Variants in KLK2 observed in about 807,000 individuals in gnomAD.
KLK2 encodes kallikrein-2.
Under a neutral mutation model 23.0 loss-of-function variants are expected in KLK2, and 17 were observed. The ratio of observed to expected loss-of-function variants is 0.74; its 90% CI spans 0.51 to 1.11. KLK2 has a LOEUF of 1.11. Among genes scored for constraint, KLK2 ranks in the 50% least tolerant of loss-of-function variants. The pLI, the probability that KLK2 is intolerant of heterozygous loss-of-function variation, is 0.00. For missense variants in KLK2, 330 were observed against 325.9 expected (o/e 1.01, Z -0.10); for synonymous variants, 140 against 124.7 (o/e 1.12, Z -0.82).
chr19:50,875,105 GC>G (rs2123477796), intron 2 of KLK2: 2 of 775,852 alleles, frequency 2.6e-6, no homozygotes, highest in South Asian at 5.3e-5. Context: ...TTGGTATCTG[GC>G]TCTGGTTGTG....
Position 50,879,516 on chromosome 19 carries a change from A to G in KLK2, c.*957A>G. 4.3e-6 allele frequency: 1 copy of G among 231,320 alleles called. No individual in the cohort carries two copies. The highest frequency in any genetic ancestry group is 8.6e-6 in the Non-Finnish European group (1 of 116,858). The allele number at this position is 231,320 out of a possible 1,614,324, so 14.3% of individuals were successfully genotyped here. ...TCTCTCCAAGTGGAGACTTACGGACAGCATATAATTCTCCCTGCAAGGATG... is the reference window on the plus strand; with the variant it reads ...TCTCTCCAAGTGGAGACTTACGGACGGCATATAATTCTCCCTGCAAGGATG... On this transcript the variant is annotated 3_prime_UTR_variant, in exon 5 of 5. Transcript: ENST00000325321.
At chr19:50,878,376 C>T in intron 4 of KLK2, 28 bp from the exon 5 acceptor site, 1 of 1,591,752 alleles carries the variant, frequency 6.3e-7, no homozygotes, top group Non-Finnish European at 8.6e-7. Flanking sequence ...CAATCTTTCT[C>T]ACTGTGTCTC....
At chr19:50,876,277 G>C (rs964801834) in intron 2 of KLK2, 195 bp from the exon 3 acceptor site, 2 of 595,092 alleles carry the variant, frequency 3.4e-6, no homozygotes, top group African/African-American at 1.9e-5. Flanking sequence ...TTCAGTTTCT[G>C]TCTCTGCCTC....
In KLK2 at chr19:50,876,542, A is replaced by G. The variant is rs181308768; in HGVS notation, c.277A>G (p.Ser93Gly). Residue 93 changes from serine (S) to glycine (G), a missense_variant, in exon 3 of 5, where the codon AGC becomes GGC. Transcript: ENST00000325321. Reference protein sequence around the residue: ...PEDTGQRVPVSHSFPHPLYNM... With the variant: ...PEDTGQRVPVGHSFPHPLYNM... ...AGACACAGGCCAGAGGGTCCCTGTC[A>G]GCCACAGCTTCCCACACCCGCTCTA... 2 of 1,614,204 alleles carry G rather than the reference A, an allele frequency of 1.2e-6. No individual in the cohort carries two copies. The highest frequency in any genetic ancestry group is 1.7e-6 in the Non-Finnish European group (2 of 1,180,036).
At position 50,878,431 on chromosome 19, in the gene KLK2, A is replaced by G; in HGVS notation, c.658A>G (p.Asn220Asp). ...TGATTCTGGGGGTCCACTTGTCTGT[A>G]ATGGTGTGCTTCAAGGTATCACATC... is the stretch of plus-strand genomic sequence containing the variant. ...GGDSGGPLVC[N>D]GVLQGITSWG... Residue 220 changes from asparagine to aspartate, a missense_variant, in exon 5 of 5, where the codon AAT (asparagine) becomes GAT (aspartate). Transcript: ENST00000325321. The G allele has an allele frequency of 6.2e-7, 1 of 1,613,760 alleles. No homozygotes were observed. The highest frequency in any genetic ancestry group is 8.5e-7 in the Non-Finnish European group (1 of 1,179,784).
At chr19:50,876,783 C>T (rs2090293545) in intron 3 of KLK2, 25 bp downstream of exon 3, 7 of 1,611,286 alleles carry the variant, frequency 4.3e-6, no homozygotes, top group Non-Finnish European at 4.2e-6. Flanking sequence ...GATGGTGTAG[C>T]TGGGAGCCCA....
Position 50,876,922 on chromosome 19 carries a change from G to T in KLK2, c.544G>T (p.Asp182Tyr). ...TGTGAGCCTCCATCTCCTGTCCAAT[G>T]ACATGTGTGCTAGAGCTTACTCTGA... ...QCVSLHLLSNDMCARAYSEKV... is the reference protein window; with the variant it reads ...QCVSLHLLSNYMCARAYSEKV... The change falls in exon 4 of 5, where the codon GAC becomes TAC. Residue 182 changes from aspartate (D) to tyrosine (Y), a missense_variant. Physicochemically the swap from Asp to Tyr is radical, Grantham distance 160. Coordinates refer to ENST00000325321, the MANE Select transcript of KLK2 (RefSeq NM_005551.5). The T allele has an allele frequency of 6.2e-7, 1 of 1,614,188 alleles. No individual in the cohort carries two copies. The highest frequency in any genetic ancestry group is 8.5e-7 in the Non-Finnish European group (1 of 1,180,024).
At chr19:50,876,821 C>T (rs755831975) in intron 3 of KLK2, 51 bp from the exon 4 acceptor site, 2 of 1,609,856 alleles carry the variant, frequency 1.2e-6, no homozygotes, top group Non-Finnish European at 1.7e-6. Context: ...GAAGTGGGGC[C>T]AAAGAACCAG....
In KLK2 at chr19:50,876,701, C is replaced by T; in HGVS notation, c.436C>T (p.Pro146Ser). ...GGTCCTGGGCCTGCCCACCCAGGAG[C>T]CAGCACTGGGGACCACCTGCTACGC... ...VKVLGLPTQE[P>S]ALGTTCYASG... The change falls in exon 3 of 5, where the codon CCA becomes TCA. Residue 146 changes from proline to serine, a missense_variant. Physicochemically the swap from Pro to Ser is moderately conservative, Grantham distance 74. Coordinates refer to ENST00000325321, the MANE Select transcript of KLK2 (RefSeq NM_005551.5). The T allele has an allele frequency of 1.2e-6, 2 of 1,614,188 alleles. No homozygotes were observed. The highest frequency in any genetic ancestry group is 8.5e-7 in the Non-Finnish European group (1 of 1,180,038).
rs1247294794 is a variant in KLK2 at position 50,880,090 on chromosome 19, C to T, written c.*1531C>T. ...GAGCATTCAATCATTGTTTTATTTGCCTTCTTTTCACACCATTGGTGAGGG... is the reference window on the plus strand; with the variant it reads ...GAGCATTCAATCATTGTTTTATTTGTCTTCTTTTCACACCATTGGTGAGGG... On this transcript the variant is annotated 3_prime_UTR_variant, in exon 5 of 5. Coordinates refer to ENST00000325321, the MANE Select transcript of KLK2 (RefSeq NM_005551.5). 1 of 228,814 alleles carries T rather than the reference C, an allele frequency of 4.4e-6. No homozygotes were observed. The highest frequency in any genetic ancestry group is 2.2e-5 in the African/African-American group (1 of 45,038). The allele number at this position is 228,814 out of a possible 1,614,324, so 14.2% of individuals were successfully genotyped here. A position where few individuals can be genotyped will look rare whatever the true frequency, so the allele number is the denominator to read the frequency against.
chr19:50,876,261 G>T, intron 2 of KLK2: 7 of 573,992 alleles, frequency 1.2e-5, no homozygotes, highest in South Asian at 2.3e-5. Flanking sequence ...TTTCCACTTC[G>T]TTTCTTTCAG....
rs1026772827 is a variant in KLK2 at position 50,875,905 on chromosome 19, C to T, written c.207-567C>T. ...CCTGAGCTGTGGGCCGGGCCACCCG[C>T]CACTACAGAGCCCTCACTCCAGCCC... On this transcript the variant is annotated intron_variant, in intron 2 of 4. Transcript: ENST00000325321. 9.4e-5 allele frequency: 15 copies of T among 158,988 alleles called. 1 individual carries two copies. The highest frequency in any genetic ancestry group is 1.4e-4 in the Non-Finnish European group (10 of 72,402). The allele number at this position is 158,988 out of a possible 1,614,324, so 9.8% of individuals were successfully genotyped here. A position where few individuals can be genotyped will look rare whatever the true frequency, so the allele number is the denominator to read the frequency against.
chr19:50,873,595 C>A, intron 1 of KLK2, 76 bp downstream of exon 1: 1 of 1,063,008 alleles, frequency 9.4e-7, no homozygotes, highest in South Asian at 1.5e-5. Context: ...CACCCAGTGC[C>A]CCAGCCTCGT....
intron 4 of KLK2, 152 bp downstream of exon 4, chr19:50,877,160 C>T: frequency 3.3e-6 from 3 of 909,790 alleles, no homozygotes; most frequent in Non-Finnish European, 5.1e-6. Flanking sequence ...CGCCCTCCTT[C>T]CCCCTTCCCT....
Position 50,874,726 on chromosome 19 carries a change from G to A in KLK2, c.52G>A (p.Val18Met), listed in dbSNP as rs6072. 42 of 1,609,848 alleles carry A rather than the reference G, an allele frequency of 2.6e-5. No homozygotes were observed. Among genetic ancestry groups the A allele is most frequent in the Middle Eastern group, 2.0e-4 (1 of 5,114 alleles). Reference protein sequence around the residue: ...IALSVGCTGAVPLIQSRIVGG... With the variant: ...IALSVGCTGAMPLIQSRIVGG... ...ACCCAGCACCCCCTCCGCAGGTGCC[G>A]TGCCCCTCATCCAGTCTCGGATTGT... is the stretch of plus-strand genomic sequence containing the variant. Residue 18 changes from valine (V) to methionine (M), a missense_variant, in exon 2 of 5, where the codon GTG becomes ATG. Coordinates refer to ENST00000325321, the MANE Select transcript of KLK2 (RefSeq NM_005551.5).
At position 50,876,951 on chromosome 19, in the gene KLK2, G is replaced by T. The variant is rs569104458; in HGVS notation, c.573G>T (p.Lys191Asn). 9 of 1,614,064 alleles carry T rather than the reference G, an allele frequency of 5.6e-6. No homozygotes were observed. The South Asian group carries it at 8.8e-5, about 16-fold the overall frequency. ...TGTGTGCTAGAGCTTACTCTGAGAA[G>T]GTGACAGAGTTCATGTTGTGTGCTG... ...NDMCARAYSE[K>N]VTEFMLCAGL... is the part of the protein sequence containing the mutation. The change falls in exon 4 of 5, where the codon AAG becomes AAT. Residue 191 changes from lysine to asparagine, a missense_variant. By Grantham distance (94) the Lys-to-Asn change is moderately conservative. Coordinates refer to ENST00000325321, the MANE Select transcript of KLK2 (RefSeq NM_005551.5).
In KLK2 at chr19:50,880,265, C is replaced by A. The variant is rs1018099619; in HGVS notation, c.*1706C>A. ...TGCAGGATGACATGGGGGATGCGCT[C>A]GGGATTGGTGTGAAGAAGCAAGGAC... On this transcript the variant is annotated 3_prime_UTR_variant, in exon 5 of 5. Transcript: ENST00000325321. 5 of 230,034 alleles carry A rather than the reference C, an allele frequency of 2.2e-5. No individual in the cohort carries two copies. The highest frequency in any genetic ancestry group is 3.4e-5 in the Non-Finnish European group (4 of 116,204). The allele number at this position is 230,034 out of a possible 1,614,324, so 14.2% of individuals were successfully genotyped here.
chr19:50,874,458 C>T (rs2090261914), intron 1 of KLK2: 1 of 341,030 alleles, frequency 2.9e-6, no homozygotes, highest in South Asian at 8.0e-5. Flanking sequence ...ATGCCTGCTT[C>T]AGATGTTTCC....
chr19:50,876,085 T>A (rs1487144033), intron 2 of KLK2: 2 of 234,378 alleles, frequency 8.5e-6, no homozygotes. Flanking sequence ...ACTTCCCGCA[T>A]CCTTTTCTCA....
Sources: gnomAD v4.1 joint callset for allele counts on GRCh38, gnomAD v4.1.1 for gene constraint, MANE v1.5 for transcripts, NCBI Gene and HGNC (gene_info 2026-07-23, HGNC 2026-07-21) for gene names.